Variants in BNC2 observed in about 807,000 individuals in gnomAD.
BNC2 encodes the protein zinc finger protein basonuclin-2.
A neutral mutation model predicts 76.3 loss-of-function variants in BNC2; 20 were observed. The observed-to-expected ratio is 0.26, with a 90% CI of 0.18 to 0.38. BNC2 has a LOEUF of 0.38. BNC2 is among the 10% of genes least tolerant of loss of function. The pLI, the probability that BNC2 is intolerant of heterozygous loss-of-function variation, is 1.00. For missense variants in BNC2, 1,382 were observed against 1,399.8 expected (o/e 0.99, Z 0.20); for synonymous variants, 582 against 514.8 (o/e 1.13, Z -1.77).
chr9:16,579,383 A>C (rs1336468308), intron 4 of BNC2, among the ~76,000 whole-genome samples: 5 of 152,008 alleles, frequency 3.3e-5, no homozygotes, highest in Non-Finnish European at 7.4e-5. Flanking sequence ...CTTAGGCTCA[A>C]TCAAACCTCC....
chr9:16,835,003 A>C (rs1156693485), intron 1 of BNC2, among the ~76,000 whole-genome samples: 1 of 152,148 alleles, frequency 6.6e-6, no homozygotes, highest in Non-Finnish European at 1.5e-5. Context: ...ACGGGTACTT[A>C]AGAAAAGTCT....
chr9:16,454,848 C>A (rs1199617041), intron 5 of BNC2, among the ~76,000 whole-genome samples: 1 of 152,104 alleles, frequency 6.6e-6, no homozygotes, highest in Non-Finnish European at 1.5e-5. Flanking sequence ...TTTTCTAATA[C>A]AAGTAAATAT....
intron 1 of BNC2, among the ~76,000 whole-genome samples, chr9:16,797,145 T>C (rs1384495450): frequency 9.4e-6 from 1 of 106,284 alleles, no homozygotes; most frequent in African/African-American, 2.5e-5. Context: ...TAAAGCTTAA[T>C]ATAGATTTTT....
chr9:16,709,707 C>T (rs961477440), intron 3 of BNC2, among the ~76,000 whole-genome samples: 5 of 152,116 alleles, frequency 3.3e-5, no homozygotes, highest in African/African-American at 1.2e-4. Context: ...CAGTTTCTAA[C>T]CTGTGGGAGA....
chr9:16,462,910 T>C (rs959388751), intron 5 of BNC2, among the ~76,000 whole-genome samples: 5 of 152,192 alleles, frequency 3.3e-5, no homozygotes, highest in Non-Finnish European at 4.4e-5. Context: ...CATCCAGGCT[T>C]GTTTGATGTC....
intron 3 of BNC2, among the ~76,000 whole-genome samples, chr9:16,608,537 T>C (rs754258486): frequency 1.3e-5 from 2 of 152,188 alleles, no homozygotes; most frequent in Non-Finnish European, 2.9e-5. Flanking sequence ...GATAGACTCT[T>C]GTTGTGTCAC....
chr9:16,529,039 C>T (rs983844949), intron 5 of BNC2, among the ~76,000 whole-genome samples: 1 of 152,246 alleles, frequency 6.6e-6, no homozygotes, highest in South Asian at 2.1e-4. Context: ...GAGGCTCTGC[C>T]GCCATCTTTA....
chr9:16,684,538 A>G (rs1822919861), intron 3 of BNC2, among the ~76,000 whole-genome samples: 1 of 152,168 alleles, frequency 6.6e-6, no homozygotes, highest in Non-Finnish European at 1.5e-5. Flanking sequence ...CTCACTGCAT[A>G]GAAGTCCATT....
chr9:16,791,926 A>AGC (rs1817521576), intron 1 of BNC2, among the ~76,000 whole-genome samples: 2 of 152,068 alleles, frequency 1.3e-5, no homozygotes, highest in African/African-American at 4.8e-5. Context: ...AGCATGGCAA[A>AGC]ACTCCATCTC....
intron 5 of BNC2, among the ~76,000 whole-genome samples, chr9:16,465,934 T>C (rs1433159501): frequency 6.8e-6 from 1 of 146,220 alleles, no homozygotes; most frequent in African/African-American, 2.6e-5. Context: ...GAAAACCCCA[T>C]CGTCTCAGCC....
chr9:16,590,418 C>A (rs917955557), intron 3 of BNC2, among the ~76,000 whole-genome samples: 1 of 151,942 alleles, frequency 6.6e-6, no homozygotes, highest in Non-Finnish European at 1.5e-5. Flanking sequence ...TTCTTGAATT[C>A]TTGACCTCAT....
At chr9:16,522,741 G>A (rs1817658462) in intron 5 of BNC2, among the ~76,000 whole-genome samples, 1 of 152,122 alleles carries the variant, frequency 6.6e-6, no homozygotes, top group East Asian at 1.9e-4. Context: ...CTAAGTCACA[G>A]AAGAATGTTC....
intron 5 of BNC2, among the ~76,000 whole-genome samples, chr9:16,512,873 T>C (rs1822791508): frequency 6.6e-6 from 1 of 151,688 alleles, no homozygotes; most frequent in Non-Finnish European, 1.5e-5. Context: ...TGGTGGCTCA[T>C]GCCTGAAATC....
At chr9:16,420,797 C>T (rs1820695109) in intron 6 of BNC2, among the ~76,000 whole-genome samples, 1 of 152,062 alleles carries the variant, frequency 6.6e-6, no homozygotes, top group Non-Finnish European at 1.5e-5. Context: ...TATCTGGAAA[C>T]ATTGTCTTTG....
At chr9:16,640,037 T>C (rs1439335204) in intron 3 of BNC2, among the ~76,000 whole-genome samples, 1 of 152,102 alleles carries the variant, frequency 6.6e-6, no homozygotes, top group African/African-American at 2.4e-5. Flanking sequence ...CCCATTTCTA[T>C]TATAGCTCTT....
At chr9:16,782,958 G>A (rs1211580778) in intron 1 of BNC2, among the ~76,000 whole-genome samples, 1 of 152,192 alleles carries the variant, frequency 6.6e-6, no homozygotes, top group African/African-American at 2.4e-5. Flanking sequence ...AAGTAAAGCA[G>A]GGGTGTTTCA....
chr9:16,842,281 T>C lies in BNC2; in HGVS notation c.3+28365A>G, dbSNP rs143526056. 1.3e-4 allele frequency among the ~76,000 whole-genome samples: 20 copies of C among 152,322 alleles called. No individual in the cohort carries two copies. In the East Asian group the frequency reaches 2.9e-3, roughly 22 times the overall value. On this transcript the variant is annotated intron_variant, in intron 1 of 6. Transcript: ENST00000380672. ...GATGCTGGCATTAGAATTTCCAAAA[T>C]AGTTCATGTAGATATAAGTATGATA...
At position 16,413,070 on chromosome 9, in the gene BNC2, G is replaced by C. The variant is rs1453386554; in HGVS notation, c.*5919C>G. The C allele has an allele frequency of 6.6e-6, 1 of 152,602 alleles. No homozygotes were observed. The highest frequency in any genetic ancestry group is 1.5e-5 in the Non-Finnish European group (1 of 68,040). 9.5% of individuals were successfully genotyped at this position (152,602 alleles called of 1,614,324 possible). A position where few individuals can be genotyped will look rare whatever the true frequency, so the allele number is the denominator to read the frequency against. ...GACAAGTATGTTATTAGAAAGATAC[G>C]AGGTGAAATTGAACTGAAGCTTCTT... On this transcript the variant is annotated 3_prime_UTR_variant, in exon 7 of 7. Coordinates refer to ENST00000380672, the MANE Select transcript of BNC2 (RefSeq NM_017637.6).
intron 5 of BNC2, among the ~76,000 whole-genome samples, chr9:16,481,692 A>G (rs1180890684): frequency 2.6e-5 from 4 of 152,224 alleles, no homozygotes; most frequent in Non-Finnish European, 5.9e-5. Context: ...TTCAATTTCA[A>G]TGAGTATTTT....
Sources: gnomAD v4.1 joint callset for allele counts (sites outside exome capture counted in the v4.1 genomes callset) on GRCh38, gnomAD v4.1.1 for gene constraint, MANE v1.5 for transcripts, NCBI Gene and HGNC (gene_info 2026-07-23, HGNC 2026-07-21) for gene names.